TTC7B: variants seen among roughly 807,000 people sequenced by gnomAD.
The protein encoded by TTC7B is tetratricopeptide repeat domain 7B, also known as tetratricopeptide repeat protein 7B.
TTC7B carries 28 observed loss-of-function variants against 106.8 expected under a neutral mutation model. That is an observed-to-expected ratio of 0.26 (90% confidence interval 0.19 to 0.36). The LOEUF is 0.36. Among genes scored for constraint, TTC7B ranks in the 10% least tolerant of loss-of-function variants. The pLI is 1.00. For missense variants in TTC7B, 862 were observed against 1,076.4 expected (o/e 0.80, Z 2.79); for synonymous variants, 405 against 430.6 (o/e 0.94, Z 0.74).
At chr14:90,689,045 T>C (rs569229568) in intron 7 of TTC7B, among the ~76,000 whole-genome samples, 2 of 152,256 alleles carry the variant, frequency 1.3e-5, no homozygotes, top group East Asian at 3.9e-4. Context: ...TTAAAAAAGA[T>C]AAAGAAGTTC....
At chr14:90,586,182 C>G (rs1595180582) in intron 18 of TTC7B, among the ~76,000 whole-genome samples, 1 of 152,248 alleles carries the variant, frequency 6.6e-6, no homozygotes, top group South Asian at 2.1e-4. Context: ...TCCTGCCCCC[C>G]TGGCTGCCGC....
chr14:90,688,837 G>A (rs1425851937), intron 7 of TTC7B, among the ~76,000 whole-genome samples: 1 of 151,832 alleles, frequency 6.6e-6, no homozygotes, highest in Non-Finnish European at 1.5e-5. Context: ...AAATTTAAAA[G>A]AGCAGGAAAA....
chr14:90,751,076 C>CT (rs1030159674), intron 3 of TTC7B, among the ~76,000 whole-genome samples: 1 of 152,116 alleles, frequency 6.6e-6, no homozygotes, highest in African/African-American at 2.4e-5. Flanking sequence ...TACTTATTTT[C>CT]TTTTTTCCAG....
chr14:90,787,274 G>A (rs1338113743), intron 1 of TTC7B, among the ~76,000 whole-genome samples: 2 of 152,132 alleles, frequency 1.3e-5, no homozygotes, highest in Admixed American at 6.6e-5. Flanking sequence ...TAATTCAAAT[G>A]AAAAGTTCAC....
chr14:90,648,404 G>C (rs146596576), intron 13 of TTC7B: 1 of 152,226 alleles, frequency 6.6e-6, no homozygotes, highest in Non-Finnish European at 1.5e-5. Context: ...AGGCTGGAGT[G>C]CAGTGGCATG....
intron 3 of TTC7B, among the ~76,000 whole-genome samples, chr14:90,758,549 C>T (rs1416041364): frequency 3.3e-5 from 5 of 152,172 alleles, no homozygotes; most frequent in African/African-American, 1.2e-4. Context: ...AACTGTGGCG[C>T]GCGACTGCGC....
At chr14:90,636,894 G>A (rs1483626519) in intron 15 of TTC7B, among the ~76,000 whole-genome samples, 1 of 151,100 alleles carries the variant, frequency 6.6e-6, no homozygotes, top group East Asian at 1.9e-4. Flanking sequence ...AGCATTTAGA[G>A]GAAAATTTTT....
chr14:90,791,404 G>T (rs1891581685), intron 1 of TTC7B, among the ~76,000 whole-genome samples: 2 of 152,162 alleles, frequency 1.3e-5, no homozygotes, highest in African/African-American at 4.8e-5. Context: ...GATAGGGAAG[G>T]CATCTGCATC....
intron 3 of TTC7B, among the ~76,000 whole-genome samples, chr14:90,751,563 T>G (rs113729919): frequency 0.024 from 3,643 of 152,178 alleles, 71 homozygotes; most frequent in South Asian, 0.03. Flanking sequence ...ACCTTGCTAA[T>G]TTCTTTTTAT....
chr14:90,703,176 A>G (rs1471335151), intron 5 of TTC7B, among the ~76,000 whole-genome samples: 1 of 152,220 alleles, frequency 6.6e-6, no homozygotes, highest in African/African-American at 2.4e-5. Context: ...ACGGGGCTCA[A>G]TTAGCTGCAC....
intron 3 of TTC7B, among the ~76,000 whole-genome samples, chr14:90,754,919 T>C (rs998550143): frequency 1.9e-4 from 29 of 152,260 alleles, no homozygotes; most frequent in African/African-American, 6.3e-4. Flanking sequence ...CTTCATCCTT[T>C]TTTTTCAATT....
intron 10 of TTC7B, 177 bp downstream of exon 10, chr14:90,658,127 A>G (rs1886025668): frequency 9.8e-6 from 6 of 612,436 alleles, no homozygotes; most frequent in Non-Finnish European, 1.7e-5. Flanking sequence ...TGATAAGTCC[A>G]TCTTGGCTCC....
In TTC7B at chr14:90,600,940, G is replaced by A. The variant is rs1010081816; in HGVS notation, c.1967-7314C>T. Reference sequence around the variant, plus strand: ...GGGGTGGAAGTGCCTTCTGCCTGGGGAAGGCTCTCTGAGCCTCCAAGTGCC... The same window carrying A: ...GGGGTGGAAGTGCCTTCTGCCTGGGAAAGGCTCTCTGAGCCTCCAAGTGCC... On this transcript the variant is annotated intron_variant, in intron 17 of 19. Coordinates refer to ENST00000328459, the MANE Select transcript of TTC7B (RefSeq NM_001010854.2). This position sits in a 1 kb window ranked among gnomAD's most constrained non-coding sequence, Gnocchi z 4.3. 6.6e-6 allele frequency among the ~76,000 whole-genome samples: 1 copy of A among 152,118 alleles called. No individual in the cohort carries two copies. Among genetic ancestry groups the A allele is most frequent in the Non-Finnish European group, 1.5e-5 (1 of 68,016 alleles).
chr14:90,657,479 C>A lies in TTC7B; in HGVS notation c.1237-201G>T. The A allele has an allele frequency of 2.1e-6, 1 of 482,854 alleles. No individual in the cohort carries two copies. Among genetic ancestry groups the A allele is most frequent in the East Asian group, 3.4e-5 (1 of 29,592 alleles). The allele number at this position is 482,854 out of a possible 1,614,324, so 29.9% of individuals were successfully genotyped here. A position where few individuals can be genotyped will look rare whatever the true frequency, so the allele number is the denominator to read the frequency against. Reference sequence around the variant, plus strand: ...ACTGGGGAGTACACTGGGTTAAAAGCCAGCAGGAATGCTTCTCTGGCGCCA... The same window carrying A: ...ACTGGGGAGTACACTGGGTTAAAAGACAGCAGGAATGCTTCTCTGGCGCCA... On this transcript the variant is annotated intron_variant, in intron 10 of 19. Transcript: ENST00000328459. The surrounding 1 kb of genome is among the most constrained non-coding windows in gnomAD (Gnocchi z 4.2).
intron 7 of TTC7B, among the ~76,000 whole-genome samples, chr14:90,683,755 C>T (rs1246014294): frequency 6.6e-6 from 1 of 152,058 alleles, no homozygotes; most frequent in African/African-American, 2.4e-5. Flanking sequence ...TTCCATGTTC[C>T]TGCTGAGAGG....
intron 2 of TTC7B, among the ~76,000 whole-genome samples, chr14:90,784,908 A>G (rs1189693314): frequency 6.6e-6 from 1 of 152,162 alleles, no homozygotes; most frequent in African/African-American, 2.4e-5. Context: ...GCAGCTCTCT[A>G]TCAGGGTTTC....
At chr14:90,692,569 A>C (rs190193404) in intron 6 of TTC7B, among the ~76,000 whole-genome samples, 20 of 152,362 alleles carry the variant, frequency 1.3e-4, no homozygotes, top group African/African-American at 4.8e-4. Context: ...CAATATGAAC[A>C]AATGCTCCAT....
Position 90,696,174 on chromosome 14 carries a change from G to C in TTC7B, c.699-596C>G, listed in dbSNP as rs181114068. 1.1e-4 allele frequency among the ~76,000 whole-genome samples: 17 copies of C among 152,254 alleles called. No homozygotes were observed. The East Asian group carries it at 3.1e-3, about 28-fold the overall frequency. On this transcript the variant is annotated intron_variant, in intron 5 of 19. Coordinates refer to ENST00000328459, the MANE Select transcript of TTC7B (RefSeq NM_001010854.2). ...TCTGAGAGCGAGCATGTGACAACTG[G>C]AACCCGAGCTCCCTGAGTGTGAGCA...
At chr14:90,670,549 A>T (rs1259466302) in intron 9 of TTC7B, among the ~76,000 whole-genome samples, 1 of 152,260 alleles carries the variant, frequency 6.6e-6, no homozygotes, top group African/African-American at 2.4e-5. Flanking sequence ...ACCATGAGGT[A>T]TATACCTAGA....
Sources: allele counts gnomAD v4.1 joint callset (sites outside exome capture counted in the v4.1 genomes callset), GRCh38; gene constraint gnomAD v4.1.1; non-coding constraint Gnocchi (gnomAD v3.1); transcripts MANE v1.5; gene names NCBI Gene and HGNC (gene_info 2026-07-23, HGNC 2026-07-21).